The following UBE2E2 variants were observed in gnomAD, a reference collection of about 807,000 sequenced individuals.
UBE2E2 encodes ubiquitin conjugating enzyme E2 E2, also known as ubiquitin-conjugating enzyme E2 E2.
Under a neutral mutation model 24.7 loss-of-function variants are expected in UBE2E2, and 6 were observed. The observed-to-expected ratio is 0.24, with a 90% CI of 0.13 to 0.48. The LOEUF is 0.48. Ranked by LOEUF, UBE2E2 falls within the 20% of genes least tolerant of loss-of-function variation. The pLI is 0.99. For synonymous variants in UBE2E2, 104 were observed against 83.6 expected (o/e 1.24, Z -1.33); for missense variants, 169 against 245.0 (o/e 0.69, Z 2.07).
intron 4 of UBE2E2, among the ~76,000 whole-genome samples, chr3:23,512,653 T>C (rs74724080): frequency 0.014 from 2,148 of 152,218 alleles, 52 homozygotes; most frequent in African/African-American, 0.049. Context: ...AAGTTGTATA[T>C]CTGTGTATAG....
chr3:23,430,505 G>A (rs760195794), intron 3 of UBE2E2, among the ~76,000 whole-genome samples: 17 of 151,836 alleles, frequency 1.1e-4, no homozygotes, highest in South Asian at 6.3e-4. Flanking sequence ...ATTCTTGGTG[G>A]TTGTGTGGCG....
intron 3 of UBE2E2, among the ~76,000 whole-genome samples, chr3:23,367,616 A>C (rs1696294299): frequency 6.6e-6 from 1 of 152,150 alleles, no homozygotes; most frequent in African/African-American, 2.4e-5. Flanking sequence ...CCCTTGCAGT[A>C]TCTATGTGGA....
At position 23,390,149 on chromosome 3, in the gene UBE2E2, A is replaced by G. The variant is rs1369000520; in HGVS notation, c.228-109459A>G. On this transcript the variant is annotated intron_variant, in intron 3 of 5. Transcript: ENST00000396703. Reference sequence around the variant, plus strand: ...GATAAGAGGAAGGGAAATACTGGGTAGAAGTGGGCAGTTCCCCAGCAAAGG... The same window carrying G: ...GATAAGAGGAAGGGAAATACTGGGTGGAAGTGGGCAGTTCCCCAGCAAAGG... Among the ~76,000 whole-genome samples, 3 of 152,140 alleles carry G rather than the reference A, an allele frequency of 2.0e-5. 1 individual carries two copies. The highest frequency in any genetic ancestry group is 4.4e-5 in the Non-Finnish European group (3 of 68,032).
At chr3:23,303,438 T>A (rs17012972) in intron 3 of UBE2E2, among the ~76,000 whole-genome samples, 2,173 of 152,240 alleles carry the variant, frequency 0.014, 52 homozygotes, top group African/African-American at 0.05. Context: ...TGGGGACCGC[T>A]GAAATAACAG....
intron 3 of UBE2E2, among the ~76,000 whole-genome samples, chr3:23,337,354 A>G (rs2125306727): frequency 6.6e-6 from 1 of 152,268 alleles, no homozygotes; most frequent in Middle Eastern, 3.4e-3. Flanking sequence ...TTAGGCATTC[A>G]TTCAGTACTA....
chr3:23,321,081 T>C (rs1694725901), intron 3 of UBE2E2, among the ~76,000 whole-genome samples: 1 of 152,258 alleles, frequency 6.6e-6, no homozygotes, highest in South Asian at 2.1e-4. Context: ...TCTGCATCAC[T>C]GCAATCTCTG....
chr3:23,540,561 C>T (rs747258040), intron 5 of UBE2E2, among the ~76,000 whole-genome samples: 11 of 152,066 alleles, frequency 7.2e-5, no homozygotes, highest in Admixed American at 5.2e-4. Context: ...CGCACCACCA[C>T]GCCCAGCTAA....
At chr3:23,365,125 A>G (rs1194506752) in intron 3 of UBE2E2, among the ~76,000 whole-genome samples, 1 of 152,224 alleles carries the variant, frequency 6.6e-6, no homozygotes, top group Non-Finnish European at 1.5e-5. Flanking sequence ...AATGTACTTC[A>G]AAATAATAAG....
At chr3:23,404,856 A>T (rs1460690801) in intron 3 of UBE2E2, among the ~76,000 whole-genome samples, 1 of 152,194 alleles carries the variant, frequency 6.6e-6, no homozygotes, top group Non-Finnish European at 1.5e-5. Context: ...GCACTGTCAA[A>T]TTATATTATG....
intron 3 of UBE2E2, among the ~76,000 whole-genome samples, chr3:23,462,027 C>T (rs1344188943): frequency 6.6e-6 from 1 of 151,990 alleles, no homozygotes; most frequent in Non-Finnish European, 1.5e-5. Flanking sequence ...ATAAATATCC[C>T]ACTATGGAAT....
At chr3:23,537,785 T>G (rs1695300419) in intron 5 of UBE2E2, among the ~76,000 whole-genome samples, 2 of 152,200 alleles carry the variant, frequency 1.3e-5, no homozygotes, top group South Asian at 4.2e-4. Flanking sequence ...TAGTTATGAT[T>G]AGGTAGTAAA....
chr3:23,339,864 A>G (rs985413478), intron 3 of UBE2E2, among the ~76,000 whole-genome samples: 1 of 152,168 alleles, frequency 6.6e-6, no homozygotes, highest in African/African-American at 2.4e-5. Context: ...AAAATAATCA[A>G]AGTAGTCAGA....
chr3:23,541,320 C>T (rs927383415), intron 5 of UBE2E2, among the ~76,000 whole-genome samples: 9 of 152,234 alleles, frequency 5.9e-5, no homozygotes, highest in African/African-American at 2.4e-5. Context: ...ACAACACTCA[C>T]AGTGCCTCTT....
intron 3 of UBE2E2, among the ~76,000 whole-genome samples, chr3:23,495,232 C>T (rs1032270115): frequency 6.6e-6 from 1 of 152,084 alleles, no homozygotes. Flanking sequence ...CTTCAAAGAA[C>T]CAATAAAACT....
chr3:23,465,012 T>A (rs1053025360), intron 3 of UBE2E2, among the ~76,000 whole-genome samples: 2 of 152,228 alleles, frequency 1.3e-5, no homozygotes, highest in African/African-American at 4.8e-5. Context: ...TGAGCTTTCA[T>A]TGACACACAA....
chr3:23,396,390 T>C (rs1459328451), intron 3 of UBE2E2, among the ~76,000 whole-genome samples: 2 of 149,428 alleles, frequency 1.3e-5, no homozygotes, highest in African/African-American at 4.9e-5. Context: ...TATATGTATG[T>C]ATATGTGTAT....
At chr3:23,206,422 T>C (rs1317506262) in intron 1 of UBE2E2, among the ~76,000 whole-genome samples, 1 of 152,242 alleles carries the variant, frequency 6.6e-6, no homozygotes. Flanking sequence ...TTCAGTGTTC[T>C]ATTAAGTGAC....
At chr3:23,563,759 G>C (rs183694995) in intron 5 of UBE2E2, among the ~76,000 whole-genome samples, 402 of 152,134 alleles carry the variant, frequency 2.6e-3, no homozygotes, top group Non-Finnish European at 4.6e-3. Flanking sequence ...TGAAATATTG[G>C]TAAATAAAAT....
chr3:23,556,980 C>G (rs192670891), intron 5 of UBE2E2, among the ~76,000 whole-genome samples: 1 of 152,272 alleles, frequency 6.6e-6, no homozygotes, highest in East Asian at 1.9e-4. Context: ...TAAACAATTG[C>G]CAAGTCCCTT....
Sources: gnomAD v4.1 joint callset for allele counts (sites outside exome capture counted in the v4.1 genomes callset) on GRCh38, gnomAD v4.1.1 for gene constraint, MANE v1.5 for transcripts, NCBI Gene and HGNC (gene_info 2026-07-23, HGNC 2026-07-21) for gene names.